CDIN1: variants seen among roughly 807,000 people sequenced by gnomAD.
The protein encoded by CDIN1 is CDAN1-interacting nuclease 1.
A neutral mutation model predicts 45.3 loss-of-function variants in CDIN1; 33 were observed. That is an observed-to-expected ratio of 0.73 (90% CI 0.55 to 0.97). CDIN1 has a LOEUF of 0.97. Among genes scored for constraint, CDIN1 ranks in the 50% least tolerant of loss-of-function variants. CDIN1 has a pLI of 0.00. For missense variants in CDIN1, 303 were observed against 339.4 expected (o/e 0.89, Z 0.84); for synonymous variants, 118 against 124.4 (o/e 0.95, Z 0.34).
chr15:36,800,148 A>C (rs2054963123), intron 10 of CDIN1, among the ~76,000 whole-genome samples: 1 of 152,190 alleles, frequency 6.6e-6, no homozygotes, highest in African/African-American at 2.4e-5. Context: ...ATCAGTATTT[A>C]TCATATGCTT....
chr15:36,618,830 A>G, intron 1 of CDIN1: 1 of 822,204 alleles, frequency 1.2e-6, no homozygotes, highest in Non-Finnish European at 2.2e-6. Flanking sequence ...CAACCAGACA[A>G]CTATACCAGT....
chr15:36,767,108 G>T (rs928350204), intron 10 of CDIN1, among the ~76,000 whole-genome samples: 3 of 151,996 alleles, frequency 2.0e-5, no homozygotes, highest in Non-Finnish European at 2.9e-5. Flanking sequence ...GTTGATTTTT[G>T]TGGATGGTGT....
chr15:36,775,000 G>T (rs2054183524), intron 10 of CDIN1, among the ~76,000 whole-genome samples: 1 of 152,084 alleles, frequency 6.6e-6, no homozygotes, highest in South Asian at 2.1e-4. Context: ...ATTGTATTTA[G>T]CTTGTAATTC....
intron 1 of CDIN1, among the ~76,000 whole-genome samples, chr15:36,601,494 T>C (rs1023551144): frequency 3.3e-5 from 5 of 152,112 alleles, no homozygotes; most frequent in African/African-American, 1.2e-4. Flanking sequence ...CTGTCACCTA[T>C]TATTAAACCT....
rs2039942922 is a variant in CDIN1 at position 36,637,345 on chromosome 15, TAGAC to T, written c.102-6931_102-6928del. ...TGAATGTGGGTAGGCAAAAATTTCT[TAGAC>T]AAGACACAAAAAGTACTAAAACAAA... On this transcript the variant is annotated intron_variant, in intron 1 of 10. Coordinates refer to ENST00000566621, the MANE Select transcript of CDIN1 (RefSeq NM_001321759.2). Among the ~76,000 whole-genome samples the T allele has an allele frequency of 1.2e-4, 18 of 152,302 alleles. No individual in the cohort carries two copies. The South Asian group carries it at 3.7e-3, about 32-fold the overall frequency.
chr15:36,619,475 CTATCTA>C (rs1313401541), intron 1 of CDIN1, among the ~76,000 whole-genome samples: 19 of 115,562 alleles, frequency 1.6e-4, no homozygotes, highest in African/African-American at 6.5e-4. Context: ...GGATTTCTAT[CTATCTA>C]TCTATCTATC....
At chr15:36,791,127 G>C (rs776060257) in intron 10 of CDIN1, among the ~76,000 whole-genome samples, 3 of 152,114 alleles carry the variant, frequency 2.0e-5, no homozygotes, top group Non-Finnish European at 4.4e-5. Context: ...AAAGGCAAAT[G>C]AATCAGTAAA....
chr15:36,640,953 T>C (rs547285968), intron 1 of CDIN1, among the ~76,000 whole-genome samples: 1 of 152,318 alleles, frequency 6.6e-6, no homozygotes, highest in East Asian at 1.9e-4. Flanking sequence ...TTAAACTCTA[T>C]ATGGGAAAAT....
chr15:36,657,850 AT>A lies in CDIN1; in HGVS notation c.293del (p.Leu98Ter). 1 of 1,612,348 alleles carries A rather than the reference AT, an allele frequency of 6.2e-7. No homozygotes were observed. Among genetic ancestry groups the A allele is most frequent in the Non-Finnish European group, 8.5e-7 (1 of 1,179,090 alleles). On this transcript the variant is annotated frameshift_variant, in exon 5 of 11. Coordinates refer to ENST00000566621, the MANE Select transcript of CDIN1 (RefSeq NM_001321759.2). LOFTEE classifies it high-confidence loss of function. ...TTATAAAGGTGGACTATGCGCCCTC[AT>A]TAATGGCTCGGCTTATACTGGAGAG... Reference protein sequence around the residue: ...LANEVDYAPSLMARLILERFL... With the variant: ...LANEVDYAPSXMARLILERFL...
intron 5 of CDIN1, among the ~76,000 whole-genome samples, chr15:36,659,374 A>C (rs1022113769): frequency 6.6e-6 from 1 of 152,200 alleles, no homozygotes; most frequent in African/African-American, 2.4e-5. Flanking sequence ...TCAGAATCCT[A>C]TAATTCCAAT....
At chr15:36,665,693 C>T (rs2058665394) in intron 5 of CDIN1, among the ~76,000 whole-genome samples, 1 of 152,090 alleles carries the variant, frequency 6.6e-6, no homozygotes, top group Non-Finnish European at 1.5e-5. Context: ...TCTTTCCCAC[C>T]ACCACTGGAG....
At chr15:36,719,566 C>T (rs2043336656) in intron 10 of CDIN1, among the ~76,000 whole-genome samples, 1 of 152,040 alleles carries the variant, frequency 6.6e-6, no homozygotes, top group Admixed American at 6.6e-5. Flanking sequence ...ATGAGTGATA[C>T]AGGTTCATGT....
chr15:36,610,118 G>C lies in CDIN1; in HGVS notation c.101+30157G>C, dbSNP rs181000219. 1.0e-3 allele frequency among the ~76,000 whole-genome samples: 154 copies of C among 152,222 alleles called. 2 individuals are homozygous for C. Among genetic ancestry groups the C allele is most frequent in the East Asian group, 4.1e-3 (21 of 5,182 alleles). On this transcript the variant is annotated intron_variant, in intron 1 of 10. Transcript: ENST00000566621. Reference sequence around the variant, plus strand: ...AGTTTATCAGCAAAATACGAGAAAGGGTTCACAAACTATAATATAGGAAAT... The same window carrying C: ...AGTTTATCAGCAAAATACGAGAAAGCGTTCACAAACTATAATATAGGAAAT...
intron 1 of CDIN1, among the ~76,000 whole-genome samples, chr15:36,631,669 G>A (rs1351686730): frequency 6.6e-6 from 1 of 152,030 alleles, no homozygotes; most frequent in Non-Finnish European, 1.5e-5. Flanking sequence ...TGGACATTTG[G>A]GTTGTTTCTA....
chr15:36,718,947 G>A (rs1427850662), intron 10 of CDIN1, among the ~76,000 whole-genome samples: 2 of 151,166 alleles, frequency 1.3e-5, no homozygotes, highest in African/African-American at 4.9e-5. Flanking sequence ...TTAGGGGTGA[G>A]CACAAGTGAC....
chr15:36,679,969 A>G (rs909093243), intron 5 of CDIN1, among the ~76,000 whole-genome samples: 7 of 152,156 alleles, frequency 4.6e-5, no homozygotes, highest in African/African-American at 1.4e-4. Context: ...ATGTTGAGAA[A>G]TTGTTTAAAG....
At chr15:36,657,715 G>A (rs2040834526) in intron 4 of CDIN1, 118 bp from the exon 5 acceptor site, 4 of 720,894 alleles carry the variant, frequency 5.5e-6, no homozygotes, top group Non-Finnish European at 6.7e-6. Flanking sequence ...AGATTTTAAT[G>A]AATGATGCTT....
intron 1 of CDIN1, chr15:36,618,426 CTT>C (rs1205439585): frequency 3.7e-6 from 3 of 802,276 alleles, no homozygotes; most frequent in Non-Finnish European, 6.6e-6. Flanking sequence ...CAGGAGAACT[CTT>C]TTCAGAGGTC....
At position 36,648,427 on chromosome 15, in the gene CDIN1, A is replaced by ATTTTTTTTTTTTTTTTTTTTTTTTTTTTT. The variant is rs4008147; in HGVS notation, c.212+3162_212+3163insTTTTTTTTTTTTTTTTTTTTTTTTTTTTT. Among the ~76,000 whole-genome samples the ATTTTTTTTTTTTTTTTTTTTTTTTTTTTT allele has an allele frequency of 2.2e-5, 2 of 91,068 alleles. 1 individual carries two copies. The highest frequency in any genetic ancestry group is 3.9e-5 in the Non-Finnish European group (2 of 50,686). 59.7% of individuals were successfully genotyped at this position (91,068 alleles called of 152,430 possible). On this transcript the variant is annotated intron_variant, in intron 3 of 10. Coordinates refer to ENST00000566621, the MANE Select transcript of CDIN1 (RefSeq NM_001321759.2). ...CGAGCATATATGTTTCCAATATTCT[A>ATTTTTTTTTTTTTTTTTTTTTTTTTTTTT]TTTTTTTTTTTTTTTTTTTTTTGAG...
Sources: allele counts gnomAD v4.1 joint callset (sites outside exome capture counted in the v4.1 genomes callset), GRCh38; gene constraint gnomAD v4.1.1; transcripts MANE v1.5; gene names NCBI Gene and HGNC (gene_info 2026-07-23, HGNC 2026-07-21).